Variants in RSPRY1 observed in about 807,000 individuals in gnomAD.
RSPRY1 encodes ring finger and SPRY domain containing 1.
A neutral mutation model predicts 73.1 loss-of-function variants in RSPRY1; 23 were observed. The observed-to-expected ratio is 0.31, with a 90% CI of 0.23 to 0.45. The LOEUF (loss-of-function observed/expected upper bound fraction) is 0.45. RSPRY1 is among the 20% of genes least tolerant of loss of function. The pLI is 1.00. For missense variants in RSPRY1, 448 were observed against 698.7 expected (o/e 0.64, Z 4.05); for synonymous variants, 226 against 251.4 (o/e 0.90, Z 0.95).
chr16:57,187,393 T>C (rs2074245990), intron 1 of RSPRY1, among the ~76,000 whole-genome samples: 3 of 152,106 alleles, frequency 2.0e-5, no homozygotes, highest in Admixed American at 6.5e-5. Flanking sequence ...CTGAGAGAGG[T>C]TGCTCCCCCT....
chr16:57,202,818 ATTCTT>A (rs1292567151), intron 1 of RSPRY1, among the ~76,000 whole-genome samples: 1 of 148,628 alleles, frequency 6.7e-6, no homozygotes, highest in Non-Finnish European at 1.5e-5. Flanking sequence ...ATCCCATTCC[ATTCTT>A]TTCTCTCCCT....
In RSPRY1 at chr16:57,238,978, C is replaced by T. The variant is rs750949856; in HGVS notation, c.*3C>T. The T allele has an allele frequency of 2.6e-6, 4 of 1,530,206 alleles. No individual in the cohort carries two copies. The highest frequency in any genetic ancestry group is 1.2e-5 in the South Asian group (1 of 85,732). The allele number at this position is 1,530,206 out of a possible 1,614,324, so 94.8% of individuals were successfully genotyped here. A position where few individuals can be genotyped will look rare whatever the true frequency, so the allele number is the denominator to read the frequency against. ...GACAGATTTCTCATATTTCATGACA[C>T]ATGTGAAGAGGCATCGTGGACTTTT... is the stretch of plus-strand genomic sequence containing the variant. On this transcript the variant is annotated 3_prime_UTR_variant, in exon 15 of 15. Coordinates refer to ENST00000394420, the MANE Select transcript of RSPRY1 (RefSeq NM_133368.3).
chr16:57,190,687 C>T (rs1286508464), intron 1 of RSPRY1, among the ~76,000 whole-genome samples: 1 of 152,170 alleles, frequency 6.6e-6, no homozygotes, highest in Admixed American at 6.5e-5. Flanking sequence ...GGGACTTTTA[C>T]AACTTTTAGA....
chr16:57,198,273 A>G (rs1309250399), intron 1 of RSPRY1, among the ~76,000 whole-genome samples: 3 of 151,798 alleles, frequency 2.0e-5, no homozygotes, highest in Admixed American at 6.6e-5. Context: ...AGTCCCAGCT[A>G]CTCGGGAGGC....
At chr16:57,225,347 G>A (rs1169363989) in intron 10 of RSPRY1, among the ~76,000 whole-genome samples, 3 of 152,206 alleles carry the variant, frequency 2.0e-5, no homozygotes, top group Admixed American at 2.0e-4. Context: ...CACTGCTCTT[G>A]GCAGCCTTGG....
chr16:57,223,082 A>G (rs1339117090), intron 10 of RSPRY1, among the ~76,000 whole-genome samples: 1 of 152,202 alleles, frequency 6.6e-6, no homozygotes, highest in Non-Finnish European at 1.5e-5. Flanking sequence ...GTGATTCCCT[A>G]TTAGAAATTG....
At chr16:57,229,329 T>A (rs1364932941) in intron 11 of RSPRY1, among the ~76,000 whole-genome samples, 3 of 152,206 alleles carry the variant, frequency 2.0e-5, no homozygotes, top group Non-Finnish European at 2.9e-5. Context: ...GGGCCAGACG[T>A]GGTGGCTCAT....
chr16:57,221,712 G>T (rs532645775), intron 10 of RSPRY1, among the ~76,000 whole-genome samples: 6 of 152,106 alleles, frequency 3.9e-5, no homozygotes, highest in Non-Finnish European at 8.8e-5. Context: ...CCCCAGCCAC[G>T]TACTTGGCTC....
intron 1 of RSPRY1, among the ~76,000 whole-genome samples, chr16:57,200,842 C>G (rs536265445): frequency 0.071 from 9,569 of 135,592 alleles, 507 homozygotes; most frequent in Admixed American, 0.15. Context: ...CAGAGGCGCC[C>G]CTCACCTCCC....
intron 4 of RSPRY1, among the ~76,000 whole-genome samples, chr16:57,210,395 T>C (rs559053668): frequency 9.1e-4 from 138 of 152,262 alleles, no homozygotes; most frequent in African/African-American, 3.2e-3. Flanking sequence ...TAAAATTTTT[T>C]AAATGTTAAA....
At chr16:57,195,983 C>T (rs888890407) in intron 1 of RSPRY1, among the ~76,000 whole-genome samples, 1 of 147,936 alleles carries the variant, frequency 6.8e-6, no homozygotes, top group Non-Finnish European at 1.5e-5. Context: ...GATCTCACCA[C>T]TGGACTCCAG....
intron 2 of RSPRY1, chr16:57,207,505 T>C (rs1169833570): frequency 2.3e-6 from 1 of 434,454 alleles, no homozygotes; most frequent in Admixed American, 2.5e-5. Flanking sequence ...TTTGGAGCAA[T>C]GTCTAGAATG....
intron 1 of RSPRY1, among the ~76,000 whole-genome samples, chr16:57,198,630 T>A (rs2074499102): frequency 6.6e-6 from 1 of 152,202 alleles, no homozygotes. Context: ...CCCCTGAAAT[T>A]ACTGAGCAAC....
intron 13 of RSPRY1, among the ~76,000 whole-genome samples, chr16:57,234,224 G>A (rs917145091): frequency 2.0e-5 from 3 of 152,074 alleles, no homozygotes; most frequent in South Asian, 2.1e-4. Flanking sequence ...TACCCGAAAC[G>A]GTTTCTCCAA....
At chr16:57,186,277 G>C, upstream of RSPRY1, 1 of 636,044 alleles carries the variant, frequency 1.6e-6, no homozygotes, top group Non-Finnish European at 2.0e-6. Flanking sequence ...CGAGGAAGGG[G>C]CGTTTCCTAG....
In RSPRY1 at chr16:57,231,337, G is replaced by GC; in HGVS notation, c.1529+19dup. 1.3e-6 allele frequency: 2 copies of GC among 1,597,216 alleles called. No homozygotes were observed. On this transcript the variant is annotated intron_variant, in intron 13 of 14. Transcript: ENST00000394420. ...TTGCCAAGGTAAGGAATCTGCCCAG[G>GC]CTATCTCCAGACTTTCACATGAATC...
intron 1 of RSPRY1, among the ~76,000 whole-genome samples, chr16:57,201,360 G>T (rs2074599721): frequency 6.6e-6 from 1 of 150,894 alleles, no homozygotes; most frequent in Non-Finnish European, 1.5e-5. Flanking sequence ...ATCCCAGACG[G>T]GGCGGCAGGG....
At position 57,230,732 on chromosome 16, in the gene RSPRY1, T is replaced by C; in HGVS notation, c.1295T>C (p.Leu432Ser). The C allele has an allele frequency of 6.2e-7, 1 of 1,605,222 alleles. No homozygotes were observed. ...CTAGGAGATACAGTAGGATTTCTGTTAGACTTGAATGAAAAGCAAATGATC... is the reference window on the plus strand; with the variant it reads ...CTAGGAGATACAGTAGGATTTCTGTCAGACTTGAATGAAAAGCAAATGATC... Reference protein sequence around the residue: ...WKEGDTVGFLLDLNEKQMIFF... With the variant: ...WKEGDTVGFLSDLNEKQMIFF... The change falls in exon 12 of 15, where the codon TTA becomes TCA. Residue 432 changes from leucine to serine, a missense_variant. Coordinates refer to ENST00000394420, the MANE Select transcript of RSPRY1 (RefSeq NM_133368.3).
At chr16:57,200,939 C>T (rs1394831903) in intron 1 of RSPRY1, among the ~76,000 whole-genome samples, 6 of 35,994 alleles carry the variant, frequency 1.7e-4, no homozygotes, top group Admixed American at 3.6e-4. Flanking sequence ...CCAGACGGGG[C>T]GGCTGGCCGG....
Sources: allele counts gnomAD v4.1 joint callset (sites outside exome capture counted in the v4.1 genomes callset), GRCh38; gene constraint gnomAD v4.1.1; transcripts MANE v1.5; gene names NCBI Gene and HGNC (gene_info 2026-07-23, HGNC 2026-07-21).